The following TSNARE1 variants were observed in gnomAD, a reference collection of about 807,000 sequenced individuals.
TSNARE1 encodes t-SNARE domain-containing protein 1.
In TSNARE1, 49 loss-of-function variants were observed where a neutral mutation model predicts 62.0. The observed-to-expected ratio is 0.79, with a 90% CI of 0.63 to 1.00. The LOEUF (loss-of-function observed/expected upper bound fraction) is 1.00. Ranked by LOEUF, TSNARE1 falls within the 50% of genes least tolerant of loss-of-function variation. TSNARE1 has a pLI of 0.00. For missense variants in TSNARE1, 755 were observed against 700.1 expected (o/e 1.08, Z -0.88); for synonymous variants, 328 against 294.4 (o/e 1.11, Z -1.17).
intron 10 of TSNARE1, among the ~76,000 whole-genome samples, chr8:142,290,756 T>C (rs1823611634): frequency 6.6e-6 from 1 of 152,264 alleles, no homozygotes; most frequent in Non-Finnish European, 1.5e-5. Flanking sequence ...TGCTGGGCTC[T>C]GCCTGGGGCC....
chr8:142,229,151 G>A (rs993786903), intron 13 of TSNARE1, among the ~76,000 whole-genome samples: 9 of 42,440 alleles, frequency 2.1e-4, no homozygotes, highest in African/African-American at 7.9e-4. Context: ...ATGGGTGGAA[G>A]GTGGATGGAT....
chr8:142,308,022 C>A (rs551341041), intron 9 of TSNARE1, among the ~76,000 whole-genome samples: 1 of 152,200 alleles, frequency 6.6e-6, no homozygotes. Flanking sequence ...ATGAGCCAAC[C>A]GGAATCCTCT....
intron 1 of TSNARE1, among the ~76,000 whole-genome samples, chr8:142,370,860 A>C (rs1835869921): frequency 6.6e-6 from 1 of 152,088 alleles, no homozygotes; most frequent in Non-Finnish European, 1.5e-5. Context: ...AAAAAAAAAA[A>C]ACCTGCAAGC....
At chr8:142,234,516 G>A (rs1817303824) in intron 12 of TSNARE1, among the ~76,000 whole-genome samples, 1 of 151,384 alleles carries the variant, frequency 6.6e-6, no homozygotes, top group African/African-American at 2.4e-5. Context: ...CCAACCATGG[G>A]TTCAGGGAAA....
At chr8:142,263,141 G>A (rs1162423839) in intron 12 of TSNARE1, among the ~76,000 whole-genome samples, 2 of 152,122 alleles carry the variant, frequency 1.3e-5, no homozygotes, top group African/African-American at 4.8e-5. Context: ...GTGAATGTTC[G>A]CTGTTGAGGT....
intron 12 of TSNARE1, among the ~76,000 whole-genome samples, chr8:142,256,806 G>A (rs975137846): frequency 2.0e-5 from 3 of 152,126 alleles, no homozygotes; most frequent in African/African-American, 7.2e-5. Context: ...CTGACTCTGG[G>A]GACAATCCTC....
At chr8:142,221,184 G>A (rs1816193807) in intron 13 of TSNARE1, among the ~76,000 whole-genome samples, 1 of 152,198 alleles carries the variant, frequency 6.6e-6, no homozygotes, top group African/African-American at 2.4e-5. Context: ...TTGTGGCGCT[G>A]TGGCGAGGAG....
chr8:142,268,832 CAGAA>C (rs1819279052), intron 12 of TSNARE1, among the ~76,000 whole-genome samples: 1 of 152,204 alleles, frequency 6.6e-6, no homozygotes, highest in African/African-American at 2.4e-5. Flanking sequence ...GAGAAGGGAG[CAGAA>C]AGACACCTGG....
intron 12 of TSNARE1, among the ~76,000 whole-genome samples, chr8:142,256,187 CCATCATCACCACCACCACTGT>C (rs1818527869): frequency 8.3e-6 from 1 of 120,256 alleles, no homozygotes; most frequent in Non-Finnish European, 1.8e-5. Flanking sequence ...ATCACCACCA[CCATCATCACCACCACCACTGT>C]CACCATCACC....
intron 1 of TSNARE1, among the ~76,000 whole-genome samples, chr8:142,378,613 G>A (rs908244858): frequency 2.0e-4 from 30 of 152,216 alleles, no homozygotes; most frequent in African/African-American, 7.2e-4. Context: ...AGGGTAAGAA[G>A]CCAGTCCCAA....
chr8:142,306,421 T>G (rs1826678469), intron 9 of TSNARE1, among the ~76,000 whole-genome samples: 1 of 152,248 alleles, frequency 6.6e-6, no homozygotes, highest in African/African-American at 2.4e-5. Flanking sequence ...GACCTGCCAC[T>G]GGGGCCATTG....
intron 2 of TSNARE1, 57 bp downstream of exon 2, chr8:142,354,580 T>C: frequency 3.2e-6 from 4 of 1,267,158 alleles, no homozygotes; most frequent in Non-Finnish European, 4.5e-6. Flanking sequence ...GTGAGGATCC[T>C]ACCCTACCCA....
At chr8:142,373,829 AGGGGAGCG>A (rs1836085963) in intron 1 of TSNARE1, among the ~76,000 whole-genome samples, 1 of 152,128 alleles carries the variant, frequency 6.6e-6, no homozygotes, top group South Asian at 2.1e-4. Context: ...GGAGCTAGGC[AGGGGAGCG>A]GGGAAGCGGG....
chr8:142,295,998 G>T (rs1242020090), intron 10 of TSNARE1, among the ~76,000 whole-genome samples: 2 of 127,720 alleles, frequency 1.6e-5, no homozygotes, highest in Non-Finnish European at 3.3e-5. Context: ...TGTCATGGGA[G>T]GGGGGAGGTC....
At chr8:142,403,815 T>C (rs1334412238), upstream of TSNARE1, 3 of 152,212 alleles carry the variant, frequency 2.0e-5, no homozygotes, top group Admixed American at 2.0e-4. Context: ...GAGACCCTCC[T>C]GGGACCTCCT....
At position 142,291,977 on chromosome 8, in the gene TSNARE1, C is replaced by T. The variant is rs1025995521; in HGVS notation, c.1291-7492G>A. 6.6e-6 allele frequency among the ~76,000 whole-genome samples: 1 copy of T among 151,872 alleles called. No individual in the cohort carries two copies. The highest frequency in any genetic ancestry group is 2.4e-5 in the African/African-American group (1 of 41,322). ...GCAACGCACGCCCCCCCCGGCCCCC[C>T]ACCTGTTTCAAGCAGAATGTGATAG... On this transcript the variant is annotated intron_variant, in intron 10 of 13. Transcript: ENST00000524325. This position sits in a 1 kb window ranked among gnomAD's most constrained non-coding sequence, Gnocchi z 4.8.
chr8:142,294,449 C>T (rs941171379), intron 10 of TSNARE1, among the ~76,000 whole-genome samples: 17 of 152,230 alleles, frequency 1.1e-4, no homozygotes, highest in African/African-American at 4.1e-4. Flanking sequence ...TGGCAGGAGT[C>T]GGAGACCAGG....
At position 142,344,063 on chromosome 8, in the gene TSNARE1, G is replaced by C; in HGVS notation, c.648C>G (p.Pro216=). 3 of 1,602,044 alleles carry C rather than the reference G, an allele frequency of 1.9e-6. No individual in the cohort carries two copies. The highest frequency in any genetic ancestry group is 1.7e-6 in the Non-Finnish European group (2 of 1,172,706). The change falls in exon 4 of 14, where the codon CCC becomes CCG. Residue 216 remains proline, a synonymous_variant. Transcript: ENST00000524325. ...AHGPSPGSGK[P]QALALTPVEQ... ...CCACGGGCGTGAGAGCCAGGGCCTG[G>C]GGCTTGCCGGAACCAGGGCTGGGGC...
chr8:142,244,756 G>A (rs897080046), intron 12 of TSNARE1, among the ~76,000 whole-genome samples: 1 of 152,218 alleles, frequency 6.6e-6, no homozygotes, highest in East Asian at 1.9e-4. Context: ...GGGACGCAGG[G>A]AGAGAGACGC....
Sources: allele counts gnomAD v4.1 joint callset (sites outside exome capture counted in the v4.1 genomes callset), GRCh38; gene constraint gnomAD v4.1.1; non-coding constraint Gnocchi (gnomAD v3.1); transcripts MANE v1.5; gene names NCBI Gene and HGNC (gene_info 2026-07-23, HGNC 2026-07-21).